The following GCSAM variants were observed in gnomAD, a reference collection of about 807,000 sequenced individuals.
GCSAM encodes germinal center associated signaling and motility.
Under a neutral mutation model 17.6 loss-of-function variants are expected in GCSAM, and 8 were observed. That is an observed-to-expected ratio of 0.46 (90% CI 0.27 to 0.82). The LOEUF is 0.82. Ranked by LOEUF, GCSAM falls within the 40% of genes least tolerant of loss-of-function variation. The pLI, the probability that GCSAM is intolerant of heterozygous loss-of-function variation, is 0.15. For synonymous variants in GCSAM, 68 were observed against 69.0 expected (o/e 0.98, Z 0.07); for missense variants, 192 against 213.5 (o/e 0.90, Z 0.63).
intron 1 of GCSAM, chr3:112,130,718 A>G (rs2074433153): frequency 1.7e-6 from 1 of 588,626 alleles, no homozygotes; most frequent in Admixed American, 2.7e-5. Context: ...TGCCACAGCA[A>G]CAGCCCACTG....
At chr3:112,128,718 A>G (rs1492485) in intron 2 of GCSAM, 55,968 of 161,544 alleles carry the variant, frequency 0.35, 9,893 homozygotes, top group East Asian at 0.43. Context: ...CTTGACTCCA[A>G]CGATATAGTT....
Position 112,133,238 on chromosome 3 carries a change from A to G in GCSAM, c.-118T>C, listed in dbSNP as rs2074501779. The G allele has an allele frequency of 9.6e-6, 10 of 1,044,254 alleles. No individual in the cohort carries two copies. The highest frequency in any genetic ancestry group is 1.5e-5 in the Non-Finnish European group (10 of 674,240). The allele number at this position is 1,044,254 out of a possible 1,614,324, so 64.7% of individuals were successfully genotyped here. On this transcript the variant is annotated 5_prime_UTR_variant, in exon 1 of 6. Transcript: ENST00000308910. ...GCTGTGTGGCTCTGGCCACCCGTGC[A>G]GAGACAGCAGAAAGGAGAAGGGTGT...
In GCSAM at chr3:112,122,588, A is replaced by G. The variant is rs1268774661; in HGVS notation, c.*867T>C. The G allele has an allele frequency of 6.6e-6, 1 of 152,230 alleles. No homozygotes were observed. Among genetic ancestry groups the G allele is most frequent in the Non-Finnish European group, 1.5e-5 (1 of 68,042 alleles). 9.4% of individuals were successfully genotyped at this position (152,230 alleles called of 1,614,324 possible). A position where few individuals can be genotyped will look rare whatever the true frequency, so the allele number is the denominator to read the frequency against. On this transcript the variant is annotated 3_prime_UTR_variant, in exon 6 of 6. Coordinates refer to ENST00000308910, the MANE Select transcript of GCSAM (RefSeq NM_152785.5). ...TTTTATACATGACATTATTAAATAT[A>G]TACATTTAGTATACATTTAATATAT... is the stretch of plus-strand genomic sequence containing the variant.
At position 112,132,804 on chromosome 3, in the gene GCSAM, A is replaced by G. The variant is rs2074488770; in HGVS notation, c.29+288T>C. ...TCCCGGGCTTTCAGAAAGTTGTTTC[A>G]TTTCTTAGGTGGTAACCTATTATAT... is the stretch of plus-strand genomic sequence containing the variant. On this transcript the variant is annotated intron_variant, in intron 1 of 5. Transcript: ENST00000308910. 1.3e-5 allele frequency: 5 copies of G among 387,098 alleles called. No individual in the cohort carries two copies. The South Asian group carries it at 4.2e-4, about 33-fold the overall frequency. 24.0% of individuals were successfully genotyped at this position (387,098 alleles called of 1,614,324 possible).
chr3:112,131,455 C>T (rs1332144642), intron 1 of GCSAM, among the ~76,000 whole-genome samples: 1 of 152,108 alleles, frequency 6.6e-6, no homozygotes, highest in African/African-American at 2.4e-5. Flanking sequence ...ATATACAAGA[C>T]TTTTGAATAC....
chr3:112,123,827 C>A, intron 5 of GCSAM, 55 bp from the exon 6 acceptor site: 1 of 1,555,522 alleles, frequency 6.4e-7, no homozygotes. Context: ...ATGACCTTTA[C>A]ATTTCAGTCT....
At chr3:112,125,314 C>A in intron 4 of GCSAM, 60 bp from the exon 5 acceptor site, 1 of 1,142,164 alleles carries the variant, frequency 8.8e-7, no homozygotes, top group South Asian at 1.2e-5. Context: ...AAGGGAAGAG[C>A]AGGGGAGGCT....
At chr3:112,126,120 G>A (rs181178670) in intron 4 of GCSAM, among the ~76,000 whole-genome samples, 2 of 152,266 alleles carry the variant, frequency 1.3e-5, no homozygotes, top group East Asian at 3.9e-4. Context: ...TCAGCATAGA[G>A]TTTTAGCATC....
chr3:112,129,602 C>G (rs764171171), intron 2 of GCSAM: 1 of 152,104 alleles, frequency 6.6e-6, no homozygotes, highest in Non-Finnish European at 1.5e-5. Context: ...GTTATAATGC[C>G]GTGGCCCTTC....
rs979046277 is a variant in GCSAM, at chr3:112,133,233, C to T, written c.-113G>A. On this transcript the variant is annotated 5_prime_UTR_variant, in exon 1 of 6. Coordinates refer to ENST00000308910, the MANE Select transcript of GCSAM (RefSeq NM_152785.5). ...AAAGGGCTGTGTGGCTCTGGCCACC[C>T]GTGCAGAGACAGCAGAAAGGAGAAG... 4.3e-5 allele frequency: 47 copies of T among 1,100,530 alleles called. No homozygotes were observed. The highest frequency in any genetic ancestry group is 2.0e-4 in the Middle Eastern group (1 of 4,958). The allele number at this position is 1,100,530 out of a possible 1,614,324, so 68.2% of individuals were successfully genotyped here.
At position 112,133,239 on chromosome 3, in the gene GCSAM, G is replaced by T; in HGVS notation, c.-119C>A. On this transcript the variant is annotated 5_prime_UTR_variant, in exon 1 of 6. In the 5' UTR this introduces an upstream ATG that the reference lacks. Transcript: ENST00000308910. ...CTGTGTGGCTCTGGCCACCCGTGCA[G>T]AGACAGCAGAAAGGAGAAGGGTGTC... is the stretch of plus-strand genomic sequence containing the variant. 9.6e-7 allele frequency: 1 copy of T among 1,046,188 alleles called. No homozygotes were observed. The highest frequency in any genetic ancestry group is 1.5e-6 in the Non-Finnish European group (1 of 676,100). 64.8% of individuals were successfully genotyped at this position (1,046,188 alleles called of 1,614,324 possible).
chr3:112,127,703 T>G (rs2074359389), intron 3 of GCSAM, among the ~76,000 whole-genome samples: 1 of 152,240 alleles, frequency 6.6e-6, no homozygotes, highest in Non-Finnish European at 1.5e-5. Flanking sequence ...GTGCAAGGGA[T>G]AGAAATGTGT....
At position 112,123,205 on chromosome 3, in the gene GCSAM, C is replaced by G; in HGVS notation, c.*250G>C. 6 of 612,306 alleles carry G rather than the reference C, an allele frequency of 9.8e-6. No individual in the cohort carries two copies. Among genetic ancestry groups the G allele is most frequent in the Non-Finnish European group, 1.4e-5 (5 of 368,732 alleles). 37.9% of individuals were successfully genotyped at this position (612,306 alleles called of 1,614,324 possible). A position where few individuals can be genotyped will look rare whatever the true frequency, so the allele number is the denominator to read the frequency against. On this transcript the variant is annotated 3_prime_UTR_variant, in exon 6 of 6. Transcript: ENST00000308910. Reference sequence around the variant, plus strand: ...AGGGAGCCCCTCCTACCACTATACTCTCCAAACCATGTAGAACCAAAGATG... The same window carrying G: ...AGGGAGCCCCTCCTACCACTATACTGTCCAAACCATGTAGAACCAAAGATG...
intron 1 of GCSAM, chr3:112,130,876 A>G (rs1351365255): frequency 1.9e-5 from 5 of 265,016 alleles, no homozygotes; most frequent in East Asian, 1.6e-4. Flanking sequence ...TCCAGGAGCT[A>G]TGCACAAGTA....
At chr3:112,125,123 T>C in intron 5 of GCSAM, 103 bp downstream of exon 5, 1 of 786,020 alleles carries the variant, frequency 1.3e-6, no homozygotes, top group Non-Finnish European at 2.3e-6. Flanking sequence ...TCTTTCTCCA[T>C]GTAAGGGTCA....
Position 112,133,158 on chromosome 3 carries a change from A to G in GCSAM, c.-38T>C. 6.2e-7 allele frequency: 1 copy of G among 1,611,852 alleles called. No homozygotes were observed. Among genetic ancestry groups the G allele is most frequent in the African/African-American group, 1.3e-5 (1 of 74,904 alleles). ...CTCAGGGCTTCCCCTCCGTCCCTTT[A>G]CCACTTCCTTCTTGCCTTGTGCTCT... is the stretch of plus-strand genomic sequence containing the variant. On this transcript the variant is annotated 5_prime_UTR_variant, in exon 1 of 6. Coordinates refer to ENST00000308910, the MANE Select transcript of GCSAM (RefSeq NM_152785.5).
chr3:112,132,758 G>A, intron 1 of GCSAM: 1 of 600,856 alleles, frequency 1.7e-6, no homozygotes, highest in Non-Finnish European at 2.1e-6. Context: ...GGAGCATGAG[G>A]AGCTCAGGAG....
chr3:112,128,514 T>C (rs2074380645), intron 2 of GCSAM: 1 of 303,286 alleles, frequency 3.3e-6, no homozygotes, highest in South Asian at 3.1e-5. Flanking sequence ...GTCTATATTC[T>C]ACACTAGAAT....
rs374901873 is a variant in GCSAM at position 112,121,552 on chromosome 3, C to T, written c.*1903G>A. On this transcript the variant is annotated 3_prime_UTR_variant, in exon 6 of 6. Transcript: ENST00000308910. Reference sequence around the variant, plus strand: ...AGGATTTGAGTGACTGATGATCTGTCGCTGGGTCTACACTCTTTCCTCTAA... The same window carrying T: ...AGGATTTGAGTGACTGATGATCTGTTGCTGGGTCTACACTCTTTCCTCTAA... 2 of 151,584 alleles carry T rather than the reference C, an allele frequency of 1.3e-5. No individual in the cohort carries two copies. Among genetic ancestry groups the T allele is most frequent in the East Asian group, 3.9e-4 (2 of 5,098 alleles). The allele number at this position is 151,584 out of a possible 1,614,324, so 9.4% of individuals were successfully genotyped here.
Sources: allele counts gnomAD v4.1 joint callset (sites outside exome capture counted in the v4.1 genomes callset), GRCh38; gene constraint gnomAD v4.1.1; transcripts MANE v1.5; gene names NCBI Gene and HGNC (gene_info 2026-07-23, HGNC 2026-07-21).